MYO1F: variants seen among roughly 807,000 people sequenced by gnomAD.
MYO1F encodes the protein unconventional myosin-If.
A neutral mutation model predicts 146.6 loss-of-function variants in MYO1F; 60 were observed. The observed-to-expected ratio is 0.41, with a 90% CI of 0.33 to 0.51. The LOEUF (loss-of-function observed/expected upper bound fraction) is 0.51. MYO1F is among the 20% of genes least tolerant of loss of function. The probability of loss-of-function intolerance (pLI) is 0.25; values close to 1 mark genes in which losing one functional copy is unlikely to be tolerated. For missense variants in MYO1F, 1,274 were observed against 1,534.3 expected (o/e 0.83, Z 2.83); for synonymous variants, 602 against 602.1 (o/e 1.00, Z 0.00).
Position 8,551,730 on chromosome 19 carries a change from C to A in MYO1F, c.771+10G>T, listed in dbSNP as rs764030240. On this transcript the variant is annotated intron_variant, in intron 8 of 27. Coordinates refer to ENST00000644032, the MANE Select transcript of MYO1F (RefSeq NM_012335.4). ...CCTGGCCGGGGACTGGAGTAGAGGCCGGTGCTCACCAGAGTCTCACCAAAG... is the reference window on the plus strand; with the variant it reads ...CCTGGCCGGGGACTGGAGTAGAGGCAGGTGCTCACCAGAGTCTCACCAAAG... The A allele has an allele frequency of 2.5e-6, 4 of 1,614,078 alleles. No homozygotes were observed. In the East Asian group the frequency reaches 8.9e-5, roughly 36 times the overall value.
chr19:8,549,371 A>G (rs1301661183), intron 10 of MYO1F: 2 of 151,968 alleles, frequency 1.3e-5, no homozygotes, highest in African/African-American at 2.4e-5. Flanking sequence ...TCCTGGGGTC[A>G]GGGATTCTTC....
rs1320755601 is a variant in MYO1F at position 8,536,483 on chromosome 19, G to A, written c.1898+16C>T. 6.2e-7 allele frequency: 1 copy of A among 1,612,214 alleles called. No homozygotes were observed. The highest frequency in any genetic ancestry group is 8.5e-7 in the Non-Finnish European group (1 of 1,179,232). On this transcript the variant is annotated intron_variant, in intron 18 of 27. Transcript: ENST00000644032. ...GATGAAGGGGATGGCGAGGGCGGGG[G>A]TGGAGGGCTCCTCACCTCTGCAGGA...
intron 2 of MYO1F, among the ~76,000 whole-genome samples, 162 bp from the exon 3 acceptor site, chr19:8,554,905 C>T (rs144550920): frequency 5.9e-4 from 89 of 152,108 alleles, no homozygotes; most frequent in African/African-American, 1.8e-3. Flanking sequence ...CAGGGCTGGC[C>T]GGGCGCGGTG....
In MYO1F at chr19:8,533,356, TC is replaced by T. The variant is rs1368821663; in HGVS notation, c.2044-2784del. On this transcript the variant is annotated intron_variant, in intron 19 of 27. Transcript: ENST00000644032. ...AGATTCTTCTTCTTCTTCTTCTTCT[TC>T]TTTTTTTTTTTTTTTGAGACGGAGT... is the stretch of plus-strand genomic sequence containing the variant. Among the ~76,000 whole-genome samples the T allele has an allele frequency of 6.8e-3, 938 of 138,234 alleles. 13 individuals carry two copies. Among genetic ancestry groups the T allele is most frequent in the African/African-American group, 0.025 (892 of 35,988 alleles). The allele number at this position is 138,234 out of a possible 152,430, so 90.7% of individuals were successfully genotyped here.
At chr19:8,533,668 C>T (rs1223581785) in intron 19 of MYO1F, among the ~76,000 whole-genome samples, 14 of 152,104 alleles carry the variant, frequency 9.2e-5, no homozygotes, top group Admixed American at 9.2e-4. Flanking sequence ...TCAGATTCTT[C>T]TTTAAAACCT....
chr19:8,543,999 G>GTGC (rs1169199183), intron 14 of MYO1F: 2 of 344,106 alleles, frequency 5.8e-6, no homozygotes, highest in Non-Finnish European at 5.2e-6. Context: ...GGTGGTGCTG[G>GTGC]TGGTGGCGGT....
intron 16 of MYO1F, among the ~76,000 whole-genome samples, chr19:8,538,939 T>G (rs1039189446): frequency 2.6e-5 from 4 of 152,084 alleles, no homozygotes; most frequent in African/African-American, 9.7e-5. Context: ...TGGTGATGGT[T>G]GCACAACCAT....
rs1400523125 is a variant in MYO1F at position 8,541,954 on chromosome 19, C to T, written c.1562G>A (p.Arg521Gln). 3.7e-6 allele frequency: 6 copies of T among 1,613,222 alleles called. No homozygotes were observed. The highest frequency in any genetic ancestry group is 4.2e-6 in the Non-Finnish European group (5 of 1,179,900). ...YDVSGFCERNRDVLFSDLIEL... is the reference protein window; with the variant it reads ...YDVSGFCERNQDVLFSDLIEL... Reference sequence around the variant, plus strand: ...TATGAGGTCGGAGAAGAGAACGTCTCGGTTCCTCTCGCAGAAGCCGCTGAC... The same window carrying T: ...TATGAGGTCGGAGAAGAGAACGTCTTGGTTCCTCTCGCAGAAGCCGCTGAC... Residue 521 changes from arginine to glutamine, a missense_variant, in exon 15 of 28, where the codon CGA (arginine) becomes CAA (glutamine). Physicochemically the swap from Arg to Gln is conservative, Grantham distance 43. This residue lies in a region of MYO1F where 900 missense variants were observed against 1,155.1 expected (regional missense o/e 0.78). Coordinates refer to ENST00000644032, the MANE Select transcript of MYO1F (RefSeq NM_012335.4).
At position 8,552,137 on chromosome 19, in the gene MYO1F, G is replaced by C. The variant is rs768738609; in HGVS notation, c.532C>G (p.Arg178Gly). 1.2e-6 allele frequency: 2 copies of C among 1,613,946 alleles called. No homozygotes were observed. Among genetic ancestry groups the C allele is most frequent in the African/African-American group, 2.7e-5 (2 of 74,888 alleles). ...FGKYFEIQFS[R>G]GGEPDGGKIS... ...TTGCCCCCATCTGGCTCCCCACCTC[G>C]GCTGAACTGGATCTCAAAGTACTTG... The change falls in exon 7 of 28, where the codon CGA becomes GGA. Residue 178 changes from arginine to glycine, a missense_variant. By Grantham distance (125) the Arg-to-Gly change is moderately radical. Transcript: ENST00000644032.
intron 21 of MYO1F, among the ~76,000 whole-genome samples, chr19:8,527,892 T>C (rs1016028266): frequency 7.9e-5 from 12 of 152,102 alleles, no homozygotes; most frequent in Non-Finnish European, 1.6e-4. Flanking sequence ...GGATTACAGG[T>C]GTGCGCCACC....
intron 25 of MYO1F, among the ~76,000 whole-genome samples, chr19:8,524,187 G>A (rs776763487): frequency 1.3e-5 from 2 of 148,960 alleles, no homozygotes; most frequent in Non-Finnish European, 3.0e-5. Flanking sequence ...TTGGGAGGCC[G>A]AGGCGGGTGG....
In MYO1F at chr19:8,526,546, T is replaced by C; in HGVS notation, c.2677A>G (p.Thr893Ala). 1 of 1,595,366 alleles carries C rather than the reference T, an allele frequency of 6.3e-7. No homozygotes were observed. Residue 893 changes from threonine (T) to alanine (A), a missense_variant, in exon 24 of 28, where the codon ACC (threonine) becomes GCC (alanine). Thr to Ala is a moderately conservative substitution (Grantham distance 58, BLOSUM62 0). Transcript: ENST00000644032. ...GWGGGGTRSV[T>A]FSRGFGDLAV... ...AAGTCGCCGAAGCCGCGGGAGAAGG[T>C]GACGCTGCGGGTGCCGCCACCGCCC...
Position 8,537,043 on chromosome 19 carries a change from C to T in MYO1F, c.1705G>A (p.Asp569Asn), listed in dbSNP as rs200858073. Residue 569 changes from aspartate to asparagine, a missense_variant, in exon 17 of 28, where the codon GAC becomes AAC. Coordinates refer to ENST00000644032, the MANE Select transcript of MYO1F (RefSeq NM_012335.4). ...AGSKIKKQAN[D>N]LVATLMRCTP... ...CACCTCATCAGTGTGGCCACCAGGT[C>T]GTTGGCTTGTTTCTGAGGCAGAAGT... is the stretch of plus-strand genomic sequence containing the variant. The T allele has an allele frequency of 1.4e-4, 232 of 1,605,724 alleles. No homozygotes were observed. In the African/African-American group the frequency reaches 1.7e-3, roughly 12 times the overall value.
chr19:8,559,678 G>C (rs1019897347), intron 1 of MYO1F, among the ~76,000 whole-genome samples: 1 of 152,026 alleles, frequency 6.6e-6, no homozygotes. Context: ...GACCGGGCGC[G>C]GTGGCTCACA....
chr19:8,526,690 G>T (rs562768863), intron 23 of MYO1F, 89 bp from the exon 24 acceptor site: 861 of 1,533,646 alleles, frequency 5.6e-4, no homozygotes, highest in Non-Finnish European at 7.1e-4. Flanking sequence ...CGGGGCCGCG[G>T]CCGGGGCCGA....
At chr19:8,574,601 CTTTCTTTCTTTCTTTCTTTCTT>C (rs2042186829) in intron 1 of MYO1F, among the ~76,000 whole-genome samples, 32 of 64,788 alleles carry the variant, frequency 4.9e-4, no homozygotes, top group African/African-American at 1.4e-3. Context: ...CTCTCTCTTT[CTTTCTTTCTTTCTTTCTTTCTT>C]TCTTTCTTTC....
chr19:8,534,296 T>C (rs1336624954), intron 19 of MYO1F, among the ~76,000 whole-genome samples: 1 of 152,156 alleles, frequency 6.6e-6, no homozygotes. Context: ...GTTAAACCGT[T>C]GGCTATTTTT....
chr19:8,575,050 C>G (rs1402953491), intron 1 of MYO1F, among the ~76,000 whole-genome samples: 7 of 151,676 alleles, frequency 4.6e-5, no homozygotes, highest in African/African-American at 1.7e-4. Context: ...GCCACTGCAC[C>G]CTGCCAACGG....
chr19:8,523,551 A>C (rs1305318974), intron 25 of MYO1F, among the ~76,000 whole-genome samples: 1 of 151,224 alleles, frequency 6.6e-6, no homozygotes, highest in Non-Finnish European at 1.5e-5. Flanking sequence ...GGGTCTCACT[A>C]TGTTGCTCAG....
Sources: allele counts gnomAD v4.1 joint callset (sites outside exome capture counted in the v4.1 genomes callset), GRCh38; gene constraint gnomAD v4.1.1; regional missense constraint gnomAD v4.1.1; transcripts MANE v1.5; gene names NCBI Gene and HGNC (gene_info 2026-07-23, HGNC 2026-07-21).